Variants in PLCB1 observed in about 807,000 individuals in gnomAD.
PLCB1 encodes 1-phosphatidylinositol 4,5-bisphosphate phosphodiesterase beta-1.
A neutral mutation model predicts 161.8 loss-of-function variants in PLCB1; 46 were observed. The observed-to-expected ratio is 0.28, with a 90% confidence interval of 0.22 to 0.36. PLCB1 has a LOEUF of 0.36. Among genes scored for constraint, PLCB1 ranks in the 10% least tolerant of loss-of-function variants. The pLI is 1.00. For synonymous variants in PLCB1, 517 were observed against 503.7 expected, an observed-to-expected ratio of 1.03 and a Z score of -0.35; for missense variants, 1,016 against 1,472.5, an observed-to-expected ratio of 0.69 and a Z score of 5.07.
chr20:8,319,244 G>T (rs1374614179), intron 2 of PLCB1, among the ~76,000 whole-genome samples: 3 of 152,080 alleles, frequency 2.0e-5, no homozygotes, highest in Admixed American at 6.6e-5. Context: ...AGTGGCTTAC[G>T]ATAATAAGCA....
chr20:8,612,580 C>T (rs1012071149), intron 3 of PLCB1, among the ~76,000 whole-genome samples: 8 of 152,258 alleles, frequency 5.3e-5, no homozygotes, highest in African/African-American at 1.7e-4. Flanking sequence ...ATTGGATTAT[C>T]GCGCATCCAC....
chr20:8,793,782 T>C (rs1357473427), intron 31 of PLCB1, among the ~76,000 whole-genome samples: 1 of 152,128 alleles, frequency 6.6e-6, no homozygotes, highest in Non-Finnish European at 1.5e-5. Flanking sequence ...AGACAGCGTT[T>C]TGAGATCAAC....
At chr20:8,755,836 G>A (rs936891552) in intron 23 of PLCB1, among the ~76,000 whole-genome samples, 6 of 152,144 alleles carry the variant, frequency 3.9e-5, no homozygotes, top group Non-Finnish European at 7.3e-5. Context: ...AAATGAGGAG[G>A]GTTACATAAT....
At chr20:8,642,564 CA>C (rs1988990454) in intron 4 of PLCB1, among the ~76,000 whole-genome samples, 1 of 152,070 alleles carries the variant, frequency 6.6e-6, no homozygotes, top group African/African-American at 2.4e-5. Flanking sequence ...TCAATGACAG[CA>C]ATAGGAGTTT....
At chr20:8,222,412 T>C (rs141403385) in intron 2 of PLCB1, among the ~76,000 whole-genome samples, 16 of 152,320 alleles carry the variant, frequency 1.1e-4, no homozygotes, top group African/African-American at 3.8e-4. Flanking sequence ...ATGATATTTG[T>C]CAACTTATTG....
chr20:8,275,697 G>A (rs1426643033), intron 2 of PLCB1, among the ~76,000 whole-genome samples: 1 of 152,100 alleles, frequency 6.6e-6, no homozygotes, highest in African/African-American at 2.4e-5. Context: ...TTTATCTTCT[G>A]TCTTAACCTG....
chr20:8,173,418 G>A (rs1190893254), intron 2 of PLCB1, among the ~76,000 whole-genome samples: 1 of 152,084 alleles, frequency 6.6e-6, no homozygotes, highest in Non-Finnish European at 1.5e-5. Context: ...TCTAAACCAA[G>A]CAGACCAAAA....
intron 2 of PLCB1, among the ~76,000 whole-genome samples, chr20:8,180,599 T>C (rs2051830962): frequency 6.6e-6 from 1 of 152,124 alleles, no homozygotes; most frequent in Non-Finnish European, 1.5e-5. Flanking sequence ...GATTAAGGAA[T>C]AGGCCAAAAG....
intron 3 of PLCB1, among the ~76,000 whole-genome samples, chr20:8,589,384 T>A (rs1339277379): frequency 6.6e-6 from 1 of 152,164 alleles, no homozygotes; most frequent in Non-Finnish European, 1.5e-5. Flanking sequence ...GGTCCCTGTC[T>A]TAATCTGTTT....
intron 2 of PLCB1, among the ~76,000 whole-genome samples, chr20:8,254,996 T>C (rs1344103275): frequency 6.6e-6 from 1 of 152,088 alleles, no homozygotes; most frequent in African/African-American, 2.4e-5. Flanking sequence ...CATTACTATA[T>C]TGGAAAAACT....
At position 8,774,817 on chromosome 20, in the gene PLCB1, G is replaced by A. The variant is rs76806571; in HGVS notation, c.3111+98G>A. 1.9e-3 allele frequency: 1,773 copies of A among 929,040 alleles called. 18 individuals carry two copies. The African/African-American group carries it at 0.027, about 14-fold the overall frequency. The allele number at this position is 929,040 out of a possible 1,614,324, so 57.5% of individuals were successfully genotyped here. On this transcript the variant is annotated intron_variant, in intron 27 of 31. Transcript: ENST00000338037. Reference sequence around the variant, plus strand: ...TAACTAAAAGGAGACAAGGGTGGGTGTGACTGGCACCAACTTGAGAGATTG... The same window carrying A: ...TAACTAAAAGGAGACAAGGGTGGGTATGACTGGCACCAACTTGAGAGATTG...
chr20:8,714,866 A>G (rs1979215530), intron 12 of PLCB1, among the ~76,000 whole-genome samples: 1 of 152,192 alleles, frequency 6.6e-6, no homozygotes, highest in Non-Finnish European at 1.5e-5. Context: ...AAAGAAAAAA[A>G]TGAATACAAA....
chr20:8,480,902 GA>G (rs5840269), intron 3 of PLCB1, among the ~76,000 whole-genome samples: 45,589 of 152,046 alleles, frequency 0.3, 7,593 homozygotes, highest in East Asian at 0.53. Flanking sequence ...TCAGGAGTTG[GA>G]GACAAGCCTG....
intron 2 of PLCB1, among the ~76,000 whole-genome samples, chr20:8,232,986 C>A (rs1189936920): frequency 3.3e-5 from 5 of 152,052 alleles, no homozygotes; most frequent in African/African-American, 1.2e-4. Context: ...AGAATCAGCT[C>A]CCTCTCTCAC....
At chr20:8,350,812 G>A (rs1986156131) in intron 2 of PLCB1, among the ~76,000 whole-genome samples, 1 of 152,186 alleles carries the variant, frequency 6.6e-6, no homozygotes, top group Admixed American at 6.5e-5. Flanking sequence ...TCAAGGAGCT[G>A]TATGTGGAAT....
chr20:8,712,608 A>C (rs2123459199), intron 12 of PLCB1, among the ~76,000 whole-genome samples: 1 of 152,368 alleles, frequency 6.6e-6, no homozygotes, highest in African/African-American at 2.4e-5. Flanking sequence ...TCTACACCAA[A>C]TTCAATGGAA....
intron 23 of PLCB1, chr20:8,750,888 C>T (rs1469678309): frequency 2.2e-6 from 3 of 1,351,728 alleles, no homozygotes; most frequent in Non-Finnish European, 3.0e-6. Context: ...CCATGTGGTG[C>T]CCATCCAAAG....
intron 31 of PLCB1, among the ~76,000 whole-genome samples, chr20:8,880,341 TC>T (rs1490327958): frequency 6.6e-6 from 1 of 152,154 alleles, no homozygotes; most frequent in Non-Finnish European, 1.5e-5. Flanking sequence ...TACCGGAGAA[TC>T]CCAGCTTTTA....
intron 2 of PLCB1, among the ~76,000 whole-genome samples, chr20:8,175,120 T>C (rs1432616922): frequency 1.1e-4 from 17 of 151,712 alleles, no homozygotes; most frequent in Admixed American, 7.9e-4. Context: ...TGCACCAACC[T>C]AATAACAAAC....
Sources: allele counts gnomAD v4.1 joint callset (sites outside exome capture counted in the v4.1 genomes callset), GRCh38; gene constraint gnomAD v4.1.1; transcripts MANE v1.5; gene names NCBI Gene and HGNC (gene_info 2026-07-23, HGNC 2026-07-21).